TGFBRAP1: variants seen among roughly 807,000 people sequenced by gnomAD.
TGFBRAP1 encodes transforming growth factor beta receptor associated protein 1, also known as transforming growth factor-beta receptor-associated protein 1.
In TGFBRAP1, 20 loss-of-function variants were observed where a neutral mutation model predicts 83.2. The observed-to-expected ratio is 0.24, with a 90% CI of 0.17 to 0.35. TGFBRAP1 has a LOEUF of 0.35. Among genes scored for constraint, TGFBRAP1 ranks in the 10% least tolerant of loss-of-function variants. The pLI is 1.00. For synonymous variants in TGFBRAP1, 415 were observed against 459.8 expected (o/e 0.90, Z 1.25); for missense variants, 950 against 1,099.4 (o/e 0.86, Z 1.92).
intron 1 of TGFBRAP1, among the ~76,000 whole-genome samples, chr2:105,326,370 C>T (rs1316185864): frequency 6.6e-6 from 1 of 152,124 alleles, no homozygotes; most frequent in Admixed American, 6.5e-5. Flanking sequence ...AGAAATATGG[C>T]ATTTACTTCA....
Position 105,307,945 on chromosome 2 carries a change from T to TGCCCCCTTGATGCGG in TGFBRAP1, c.342_356dup (p.Arg115_Ala119dup). ...GGTTCTCGTTCAGTGCAAACGTGGC[T>TGCCCCCTTGATGCGG]GCCCCCTTGATGCGGGCCCCCGAAG... is the stretch of plus-strand genomic sequence containing the variant. On this transcript the variant is annotated inframe_insertion, in exon 2 of 12. Transcript: ENST00000393359. 2 of 1,614,236 alleles carry TGCCCCCTTGATGCGG rather than the reference T, an allele frequency of 1.2e-6. No individual in the cohort carries two copies. The highest frequency in any genetic ancestry group is 1.7e-6 in the Non-Finnish European group (2 of 1,180,048).
intron 10 of TGFBRAP1, among the ~76,000 whole-genome samples, chr2:105,272,650 T>A (rs781109936): frequency 6.6e-6 from 1 of 151,982 alleles, no homozygotes; most frequent in Non-Finnish European, 1.5e-5. Flanking sequence ...AGCAGGAAGA[T>A]CACTTGAGGC....
chr2:105,294,474 T>C (rs1181164437), intron 4 of TGFBRAP1, among the ~76,000 whole-genome samples: 1 of 152,078 alleles, frequency 6.6e-6, no homozygotes, highest in East Asian at 1.9e-4. Context: ...CATTTCCATA[T>C]AGTTGCATGG....
At chr2:105,254,555 G>A in the TGFBRAP1 span, among the ~76,000 whole-genome samples, 1 of 152,016 alleles carries the variant, frequency 6.6e-6, no homozygotes, top group African/African-American at 2.4e-5. Context: ...ATTTGGGCTG[G>A]AAGAATTGCT....
In TGFBRAP1 at chr2:105,269,254, G is replaced by C. The variant is rs565327314; in HGVS notation, c.2406+18C>G. 4 of 1,565,628 alleles carry C rather than the reference G, an allele frequency of 2.6e-6. No individual in the cohort carries two copies. The African/African-American group carries it at 5.4e-5, about 21-fold the overall frequency. Reference sequence around the variant, plus strand: ...ATGTTGACTGACCAGGAAGCAGCTCGTGGGGGCCAGCACTTACCTTATCGT... The same window carrying C: ...ATGTTGACTGACCAGGAAGCAGCTCCTGGGGGCCAGCACTTACCTTATCGT... On this transcript the variant is annotated intron_variant, in intron 11 of 11. Transcript: ENST00000393359. The surrounding 1 kb of genome is among the most constrained non-coding windows in gnomAD (Gnocchi z 4.1).
intron 6 of TGFBRAP1, 29 bp from the exon 7 acceptor site, chr2:105,277,700 C>A (rs770257343): frequency 1.8e-5 from 29 of 1,611,988 alleles, no homozygotes; most frequent in Non-Finnish European, 2.4e-5. Flanking sequence ...GTAAGTACAA[C>A]CTCTCCCCAT....
At chr2:105,315,082 A>T (rs1025693195) in intron 1 of TGFBRAP1, among the ~76,000 whole-genome samples, 2 of 152,122 alleles carry the variant, frequency 1.3e-5, no homozygotes, top group Non-Finnish European at 2.9e-5. Flanking sequence ...TAATTTTTTT[A>T]AAAACCAAAG....
intron 7 of TGFBRAP1, among the ~76,000 whole-genome samples, chr2:105,276,868 G>A (rs2104326614): frequency 6.6e-6 from 1 of 152,318 alleles, no homozygotes; most frequent in Non-Finnish European, 1.5e-5. Flanking sequence ...AGCCTTGCCA[G>A]AGTCATGAGG....
chr2:105,253,956 T>A, the TGFBRAP1 span, among the ~76,000 whole-genome samples: 2 of 152,192 alleles, frequency 1.3e-5, no homozygotes, highest in African/African-American at 4.8e-5. Flanking sequence ...TTGGTTTTGT[T>A]TGCTTTTGTA....
chr2:105,275,187 C>A (rs2576738), intron 8 of TGFBRAP1, among the ~76,000 whole-genome samples: 83,749 of 152,004 alleles, frequency 0.55, 23,641 homozygotes, highest in Non-Finnish European at 0.61. Context: ...TCCTTCAGGG[C>A]AACCACCTAA....
At chr2:105,285,565 G>GT (rs1321515383) in intron 4 of TGFBRAP1, among the ~76,000 whole-genome samples, 2 of 152,196 alleles carry the variant, frequency 1.3e-5, no homozygotes, top group Admixed American at 1.3e-4. Flanking sequence ...CAGGCAGCTG[G>GT]TGTGTTACCC....
chr2:105,258,370 G>A, the TGFBRAP1 span, among the ~76,000 whole-genome samples: 3 of 152,012 alleles, frequency 2.0e-5, no homozygotes, highest in East Asian at 5.8e-4. Flanking sequence ...TAGCTTTGGG[G>A]TTGGTGGCCT....
chr2:105,306,258 C>A (rs905226102), intron 2 of TGFBRAP1, among the ~76,000 whole-genome samples: 1 of 151,212 alleles, frequency 6.6e-6, no homozygotes, highest in Non-Finnish European at 1.5e-5. Context: ...GACAGGGTTT[C>A]TCCATGTTGG....
chr2:105,252,697 A>G, the TGFBRAP1 span, among the ~76,000 whole-genome samples: 1 of 150,580 alleles, frequency 6.6e-6, no homozygotes, highest in Non-Finnish European at 1.5e-5. Context: ...TTCTCCTTAA[A>G]CCATGCAATA....
rs1447424182 is a variant in TGFBRAP1, at chr2:105,316,471, G to C, written c.-17-8153C>G. Among the ~76,000 whole-genome samples, 11 of 105,150 alleles carry C rather than the reference G, an allele frequency of 1.0e-4. No homozygotes were observed. The East Asian group carries it at 2.9e-3, about 27-fold the overall frequency. 69.0% of individuals were successfully genotyped at this position (105,150 alleles called of 152,430 possible). ...TGTGTGTGTGTGTGTGTGCGCGCGC[G>C]CGCGCGCGCACGCGCACATAACTCA... On this transcript the variant is annotated intron_variant, in intron 1 of 11. Coordinates refer to ENST00000393359, the MANE Select transcript of TGFBRAP1 (RefSeq NM_004257.6).
chr2:105,262,199 A>G (rs1206532348), downstream of TGFBRAP1, among the ~76,000 whole-genome samples: 1 of 152,128 alleles, frequency 6.6e-6, no homozygotes, highest in East Asian at 1.9e-4. Context: ...TCGCCCTCCA[A>G]ATCTCATGCT....
chr2:105,278,446 G>A lies in TGFBRAP1; in HGVS notation c.1464-775C>T, dbSNP rs1027273424. On this transcript the variant is annotated intron_variant, in intron 6 of 11. Coordinates refer to ENST00000393359, the MANE Select transcript of TGFBRAP1 (RefSeq NM_004257.6). ...CAGGAAGTGCTAGTGTCCGGGACTC[G>A]CAGACCACAGAGTCAGGGAGCGTCC... 1.4e-4 allele frequency among the ~76,000 whole-genome samples: 22 copies of A among 152,172 alleles called. 1 individual carries two copies. The highest frequency in any genetic ancestry group is 7.3e-5 in the Non-Finnish European group (5 of 68,028).
intron 1 of TGFBRAP1, among the ~76,000 whole-genome samples, chr2:105,325,764 G>A (rs1229494551): frequency 6.6e-6 from 1 of 152,172 alleles, no homozygotes; most frequent in Non-Finnish European, 1.5e-5. Flanking sequence ...GACAGCAACT[G>A]CTTTTCCTGA....
chr2:105,319,509 T>C (rs1678991671), intron 1 of TGFBRAP1, among the ~76,000 whole-genome samples: 2 of 150,066 alleles, frequency 1.3e-5, no homozygotes, highest in Admixed American at 1.3e-4. Context: ...CTGGCAAACA[T>C]GGTGAAACCC....
Sources: gnomAD v4.1 joint callset for allele counts (sites outside exome capture counted in the v4.1 genomes callset) on GRCh38, gnomAD v4.1.1 for gene constraint, Gnocchi (gnomAD v3.1) non-coding constraint, MANE v1.5 for transcripts, NCBI Gene and HGNC (gene_info 2026-07-23, HGNC 2026-07-21) for gene names.